Variants in KCNQ1OT1 observed in about 807,000 individuals in gnomAD.
The protein encoded by KCNQ1OT1 is KCNQ1 opposite strand/antisense transcript 1, also known as KCNQ1 antisense RNA 2 (non-protein coding).
exon 1 of KCNQ1OT1, chr11:2,630,460 G>A (rs966384689): frequency 1.3e-5 from 5 of 397,980 alleles, no homozygotes; most frequent in Non-Finnish European, 2.2e-5. Flanking sequence ...TTTGTTTGGG[G>A]GGAATATTTT....
rs2133851106 is a variant in KCNQ1OT1 at position 2,657,965 on chromosome 11, G to T, written n.42030C>A. On this transcript the variant is annotated non_coding_transcript_exon_variant, in exon 1 of 1. Transcript: ENST00000597346. This position sits in a 1 kb window ranked among gnomAD's most constrained non-coding sequence, Gnocchi z 4.8. ...ATTAACCTTGAGCCACTCGTTTAAAGTGGTGTCGGCCAGGCTCCTCCACTG... is the reference window on the plus strand; with the variant it reads ...ATTAACCTTGAGCCACTCGTTTAAATTGGTGTCGGCCAGGCTCCTCCACTG... 2.5e-6 allele frequency: 1 copy of T among 398,600 alleles called. No individual in the cohort carries two copies. The highest frequency in any genetic ancestry group is 3.6e-5 in the East Asian group (1 of 28,072). 24.7% of individuals were successfully genotyped at this position (398,600 alleles called of 1,614,324 possible).
At position 2,652,947 on chromosome 11, in the gene KCNQ1OT1, A is replaced by G. The variant is rs1373499842; in HGVS notation, n.47048T>C. 1 of 398,494 alleles carries G rather than the reference A, an allele frequency of 2.5e-6. No homozygotes were observed. Among genetic ancestry groups the G allele is most frequent in the African/African-American group, 2.1e-5 (1 of 48,610 alleles). 24.7% of individuals were successfully genotyped at this position (398,494 alleles called of 1,614,324 possible). A position where few individuals can be genotyped will look rare whatever the true frequency, so the allele number is the denominator to read the frequency against. On this transcript the variant is annotated non_coding_transcript_exon_variant, in exon 1 of 1. Transcript: ENST00000597346. The surrounding 1 kb of genome is among the most constrained non-coding windows in gnomAD (Gnocchi z 5.9). ...TGGAAAGCCCAGCATCCTCCCTGGG[A>G]CTTCTCAGGATTCCGGAAGTCATCT...
exon 1 of KCNQ1OT1, chr11:2,646,605 A>C (rs1849669750): frequency 1.5e-5 from 6 of 398,560 alleles, no homozygotes; most frequent in Non-Finnish European, 2.7e-5. Context: ...TGCTCACTGC[A>C]ACCTTCACCT....
Position 2,674,491 on chromosome 11 carries a change from C to T in KCNQ1OT1, n.25504G>A, listed in dbSNP as rs1455346739. The stretch of plus-strand genomic sequence containing the variant: ...CCTGTCGAGATGTGTAAGATGGCCC[C>T]AGTGTTACTAGGCACTAGATGGCAC... On this transcript the variant is annotated non_coding_transcript_exon_variant, in exon 1 of 1. Coordinates refer to ENST00000597346, the Ensembl canonical transcript of KCNQ1OT1. The surrounding 1 kb of genome is among the most constrained non-coding windows in gnomAD (Gnocchi z 5.9). The T allele has an allele frequency of 5.0e-6, 2 of 398,504 alleles. No individual in the cohort carries two copies. The highest frequency in any genetic ancestry group is 8.8e-6 in the Non-Finnish European group (2 of 226,100). 24.7% of individuals were successfully genotyped at this position (398,504 alleles called of 1,614,324 possible). A position where few individuals can be genotyped will look rare whatever the true frequency, so the allele number is the denominator to read the frequency against.
rs1850427013 is a variant in KCNQ1OT1, at chr11:2,683,164, T to A, written n.16831A>T. On this transcript the variant is annotated non_coding_transcript_exon_variant, in exon 1 of 1. Coordinates refer to ENST00000597346, the Ensembl canonical transcript of KCNQ1OT1. The surrounding 1 kb of genome is among the most constrained non-coding windows in gnomAD (Gnocchi z 4.7). ...ATGGGCTAGCATTAGGAATGGGTAT[T>A]AGCATCTGCATTAAAAGGCTCCCAC... 1 of 398,490 alleles carries A rather than the reference T, an allele frequency of 2.5e-6. No homozygotes were observed. The highest frequency in any genetic ancestry group is 4.4e-6 in the Non-Finnish European group (1 of 226,078). 24.7% of individuals were successfully genotyped at this position (398,490 alleles called of 1,614,324 possible).
In KCNQ1OT1 at chr11:2,642,382, C is replaced by A; in HGVS notation, n.57613G>T. 2.5e-6 allele frequency: 1 copy of A among 398,098 alleles called. No individual in the cohort carries two copies. The highest frequency in any genetic ancestry group is 1.3e-4 in the South Asian group (1 of 7,836). The allele number at this position is 398,098 out of a possible 1,614,324, so 24.7% of individuals were successfully genotyped here. The stretch of plus-strand genomic sequence containing the variant: ...TTGTAGTGGTTGTAAAAGATAATGC[C>A]TTCTTGATTTCTTTCTCAGCTGGTT... On this transcript the variant is annotated non_coding_transcript_exon_variant, in exon 1 of 1. Transcript: ENST00000597346. This position sits in a 1 kb window ranked among gnomAD's most constrained non-coding sequence, Gnocchi z 4.3.
rs1246041761 is a variant in KCNQ1OT1, at chr11:2,677,500, C to A, written n.22495G>T. ...TGCCATACTTCTACAAAAAATGATCCTCTCTGTGGAAGTGCTGCCAACATC... is the reference window on the plus strand; with the variant it reads ...TGCCATACTTCTACAAAAAATGATCATCTCTGTGGAAGTGCTGCCAACATC... On this transcript the variant is annotated non_coding_transcript_exon_variant, in exon 1 of 1. Transcript: ENST00000597346. The surrounding 1 kb of genome is among the most constrained non-coding windows in gnomAD (Gnocchi z 4.5). 4 of 398,402 alleles carry A rather than the reference C, an allele frequency of 1.0e-5. No homozygotes were observed. The highest frequency in any genetic ancestry group is 1.8e-5 in the Non-Finnish European group (4 of 226,058). 24.7% of individuals were successfully genotyped at this position (398,402 alleles called of 1,614,324 possible).
chr11:2,622,648 A>T (rs10734233), exon 1 of KCNQ1OT1: 351,935 of 398,522 alleles, frequency 0.88, 155,515 homozygotes, highest in East Asian at 0.91. Flanking sequence ...TTTGTGTTTG[A>T]TGATTTTCTG....
rs537252151 is a variant in KCNQ1OT1 at position 2,690,559 on chromosome 11, T to C, written n.9436A>G. On this transcript the variant is annotated non_coding_transcript_exon_variant, in exon 1 of 1. Transcript: ENST00000597346. The surrounding 1 kb of genome is among the most constrained non-coding windows in gnomAD (Gnocchi z 5.1). ...GCCTAGGGAAGGACAAGAAGTAACATGTCAAAGATGGGACAGAACCCACCT... is the reference window on the plus strand; with the variant it reads ...GCCTAGGGAAGGACAAGAAGTAACACGTCAAAGATGGGACAGAACCCACCT... 2.5e-6 allele frequency: 1 copy of C among 398,628 alleles called. No homozygotes were observed. The highest frequency in any genetic ancestry group is 1.3e-4 in the South Asian group (1 of 7,852). 24.7% of individuals were successfully genotyped at this position (398,628 alleles called of 1,614,324 possible).
At chr11:2,692,396 C>G in exon 1 of KCNQ1OT1, 1 of 398,788 alleles carries the variant, frequency 2.5e-6, no homozygotes, top group East Asian at 3.6e-5. Context: ...CCATTCCAAT[C>G]AATTATCTAC....
In KCNQ1OT1 at chr11:2,647,681, T is replaced by C. The variant is rs898193617; in HGVS notation, n.52314A>G. ...ACTGATACAATCTCATTCCTTGTTA[T>C]TGCTCTGTTCAGATTTTTTTTCTTC... On this transcript the variant is annotated non_coding_transcript_exon_variant, in exon 1 of 1. Transcript: ENST00000597346. This position sits in a 1 kb window ranked among gnomAD's most constrained non-coding sequence, Gnocchi z 4.0. The C allele has an allele frequency of 1.0e-5, 4 of 398,470 alleles. No homozygotes were observed. Among genetic ancestry groups the C allele is most frequent in the East Asian group, 7.1e-5 (2 of 28,064 alleles). 24.7% of individuals were successfully genotyped at this position (398,470 alleles called of 1,614,324 possible).
In KCNQ1OT1 at chr11:2,613,655, T is replaced by G. The variant is rs950693362; in HGVS notation, n.86340A>C. 2.5e-6 allele frequency: 1 copy of G among 398,608 alleles called. No individual in the cohort carries two copies. Among genetic ancestry groups the G allele is most frequent in the East Asian group, 3.6e-5 (1 of 28,080 alleles). The allele number at this position is 398,608 out of a possible 1,614,324, so 24.7% of individuals were successfully genotyped here. A position where few individuals can be genotyped will look rare whatever the true frequency, so the allele number is the denominator to read the frequency against. Reference sequence around the variant, plus strand: ...TCAGGGAGTGGTTATATCAAGGTGCTCATTCCACCACCTCAGAAGTGGTCC... The same window carrying G: ...TCAGGGAGTGGTTATATCAAGGTGCGCATTCCACCACCTCAGAAGTGGTCC... On this transcript the variant is annotated non_coding_transcript_exon_variant, in exon 1 of 1. Transcript: ENST00000597346. The surrounding 1 kb of genome is among the most constrained non-coding windows in gnomAD (Gnocchi z 4.8).
In KCNQ1OT1 at chr11:2,691,755, G is replaced by A. The variant is rs962116609; in HGVS notation, n.8240C>T. ...CACACAGGCAGGGGACATTCCACTA[G>A]GGCCATTTGCAGGCCAGTGGCCATC... On this transcript the variant is annotated non_coding_transcript_exon_variant, in exon 1 of 1. Transcript: ENST00000597346. The surrounding 1 kb of genome is among the most constrained non-coding windows in gnomAD (Gnocchi z 6.4). 2 of 398,692 alleles carry A rather than the reference G, an allele frequency of 5.0e-6. No homozygotes were observed. The highest frequency in any genetic ancestry group is 8.8e-5 in the Admixed American group (2 of 22,742). The allele number at this position is 398,692 out of a possible 1,614,324, so 24.7% of individuals were successfully genotyped here. A position where few individuals can be genotyped will look rare whatever the true frequency, so the allele number is the denominator to read the frequency against.
chr11:2,631,577 T>C (rs963032755), exon 1 of KCNQ1OT1: 1 of 388,036 alleles, frequency 2.6e-6, no homozygotes, highest in Non-Finnish European at 4.5e-6. Flanking sequence ...TGTATCCCAA[T>C]TTCTTGGGAG....
In KCNQ1OT1 at chr11:2,620,211, A is replaced by ATAT. The variant is rs1383035176; in HGVS notation, n.79783_79784insATA. On this transcript the variant is annotated non_coding_transcript_exon_variant, in exon 1 of 1. Transcript: ENST00000597346. This position sits in a 1 kb window ranked among gnomAD's most constrained non-coding sequence, Gnocchi z 4.5. Reference sequence around the variant, plus strand: ...TAAGTTCATTCATGTATATATATATATTTTTTTTTTTTATTTTTTTTTTAG... The same window carrying ATAT: ...TAAGTTCATTCATGTATATATATATATATTTTTTTTTTTTTATTTTTTTTTTAG... 498 of 261,980 alleles carry ATAT rather than the reference A, an allele frequency of 1.9e-3. 4 individuals are homozygous for ATAT. Among genetic ancestry groups the ATAT allele is most frequent in the African/African-American group, 0.01 (399 of 38,112 alleles). The allele number at this position is 261,980 out of a possible 1,614,324, so 16.2% of individuals were successfully genotyped here. A position where few individuals can be genotyped will look rare whatever the true frequency, so the allele number is the denominator to read the frequency against.
rs186288172 is a variant in KCNQ1OT1, at chr11:2,628,840, C to A, written n.71155G>T. Reference sequence around the variant, plus strand: ...TTTAATTTTTTTGCATGTGGATATCCTGGTTTCACAGTGCCATTTATTCAA... The same window carrying A: ...TTTAATTTTTTTGCATGTGGATATCATGGTTTCACAGTGCCATTTATTCAA... On this transcript the variant is annotated non_coding_transcript_exon_variant, in exon 1 of 1. Coordinates refer to ENST00000597346, the Ensembl canonical transcript of KCNQ1OT1. The A allele has an allele frequency of 6.0e-5, 24 of 398,236 alleles. No homozygotes were observed. In the South Asian group the frequency reaches 2.9e-3, roughly 49 times the overall value. 24.7% of individuals were successfully genotyped at this position (398,236 alleles called of 1,614,324 possible).
At position 2,624,665 on chromosome 11, in the gene KCNQ1OT1, A is replaced by C. The variant is rs1337755009; in HGVS notation, n.75330T>G. The C allele has an allele frequency of 2.0e-4, 78 of 398,592 alleles. No homozygotes were observed. The East Asian group carries it at 2.8e-3, about 14-fold the overall frequency. The allele number at this position is 398,592 out of a possible 1,614,324, so 24.7% of individuals were successfully genotyped here. A position where few individuals can be genotyped will look rare whatever the true frequency, so the allele number is the denominator to read the frequency against. On this transcript the variant is annotated non_coding_transcript_exon_variant, in exon 1 of 1. Transcript: ENST00000597346. This position sits in a 1 kb window ranked among gnomAD's most constrained non-coding sequence, Gnocchi z 4.9. ...GATACGTTCACAATGCTGTGCAATC[A>C]TCACTATCATCCATCTCCATAACAC...
chr11:2,638,879 A>G (rs1407870818), exon 1 of KCNQ1OT1: 1 of 152,176 alleles, frequency 6.6e-6, no homozygotes, highest in African/African-American at 2.4e-5. Flanking sequence ...GTCTTTTCAC[A>G]TAGTCCCATA....
exon 1 of KCNQ1OT1, chr11:2,681,811 G>A (rs904932347): frequency 5.0e-6 from 2 of 398,390 alleles, no homozygotes; most frequent in Admixed American, 4.4e-5. Flanking sequence ...GCCTTCTCAG[G>A]TTATGGTCAT....
Sources: allele counts gnomAD v4.1 joint callset, GRCh38; gene constraint gnomAD v4.1.1; non-coding constraint Gnocchi (gnomAD v3.1); transcripts MANE v1.5; gene names NCBI Gene and HGNC (gene_info 2026-07-23, HGNC 2026-07-21).